Variants in AP2B1 observed in about 807,000 individuals in gnomAD.
The protein encoded by AP2B1 is adaptor related protein complex 2 subunit beta 1.
AP2B1 carries 23 observed loss-of-function variants against 102.0 expected under a neutral mutation model. The ratio of observed to expected loss-of-function variants is 0.23; its 90% CI spans 0.16 to 0.32. The LOEUF is 0.32. Ranked by LOEUF, AP2B1 falls within the 10% of genes least tolerant of loss-of-function variation. The pLI, the probability that AP2B1 is intolerant of heterozygous loss-of-function variation, is 1.00. For synonymous variants in AP2B1, 381 were observed against 421.2 expected, an observed-to-expected ratio of 0.90 and a Z score of 1.17; for missense variants, 541 against 1,157.4, an observed-to-expected ratio of 0.47 and a Z score of 7.73.
chr17:35,631,511 A>G (rs2074460040), intron 9 of AP2B1, among the ~76,000 whole-genome samples: 1 of 152,236 alleles, frequency 6.6e-6, no homozygotes, highest in African/African-American at 2.4e-5. Context: ...ATTTTTTTAT[A>G]AAAATGAAAT....
intron 21 of AP2B1, among the ~76,000 whole-genome samples, chr17:35,718,458 C>A (rs587748134): frequency 2.0e-5 from 3 of 152,140 alleles, no homozygotes; most frequent in African/African-American, 4.8e-5. Context: ...CTCCCCAACC[C>A]CCCACCAGTC....
At chr17:35,642,392 T>G (rs192037615) in intron 12 of AP2B1, among the ~76,000 whole-genome samples, 2 of 152,208 alleles carry the variant, frequency 1.3e-5, no homozygotes, top group Non-Finnish European at 2.9e-5. Context: ...TCACAGAAAT[T>G]AAGTGTTTAT....
intron 1 of AP2B1, among the ~76,000 whole-genome samples, chr17:35,592,643 A>G (rs760649251): frequency 2.0e-5 from 3 of 152,096 alleles, no homozygotes; most frequent in African/African-American, 7.2e-5. Context: ...CCCAGGTCCA[A>G]GCGATTCTCC....
chr17:35,601,418 C>T (rs1567780656), intron 3 of AP2B1, among the ~76,000 whole-genome samples: 1 of 152,220 alleles, frequency 6.6e-6, no homozygotes, highest in African/African-American at 2.4e-5. Context: ...CAGCCTCTGC[C>T]TCCCGGGTTC....
At chr17:35,671,949 A>G (rs2075598026) in intron 16 of AP2B1, 49 bp downstream of exon 16, 1 of 1,589,930 alleles carries the variant, frequency 6.3e-7, no homozygotes, top group Non-Finnish European at 8.6e-7. Flanking sequence ...ACAGGACCCA[A>G]ACTGTTTCAC....
intron 9 of AP2B1, among the ~76,000 whole-genome samples, chr17:35,634,633 ATTG>A (rs1471234819): frequency 6.6e-6 from 1 of 152,202 alleles, no homozygotes; most frequent in African/African-American, 2.4e-5. Context: ...GCTATGGAAA[ATTG>A]TTGTTTATCT....
At chr17:35,683,955 A>G (rs1297460038) in intron 18 of AP2B1, among the ~76,000 whole-genome samples, 3 of 152,234 alleles carry the variant, frequency 2.0e-5, no homozygotes, top group Admixed American at 6.5e-5. Context: ...GAGAAATTCA[A>G]GGCCCAATCA....
chr17:35,687,110 C>T (rs985297310), intron 18 of AP2B1, among the ~76,000 whole-genome samples: 4 of 151,980 alleles, frequency 2.6e-5, no homozygotes, highest in Non-Finnish European at 4.4e-5. Context: ...ATTGGGACTC[C>T]TGGATTTTTA....
chr17:35,598,535 G>A (rs2073368633), intron 3 of AP2B1, among the ~76,000 whole-genome samples, 200 bp downstream of exon 3: 1 of 152,202 alleles, frequency 6.6e-6, no homozygotes. Context: ...TGGGGTGTGT[G>A]TGTGTTTGTG....
At chr17:35,624,723 C>T (rs1299708557) in intron 6 of AP2B1, 136 bp downstream of exon 6, 6 of 719,588 alleles carry the variant, frequency 8.3e-6, no homozygotes, top group African/African-American at 5.4e-5. Flanking sequence ...GGTATTTTCT[C>T]TCTGGATTTA....
intron 21 of AP2B1, among the ~76,000 whole-genome samples, chr17:35,722,370 GT>G (rs202023875): frequency 0.01 from 1,528 of 151,980 alleles, 20 homozygotes; most frequent in African/African-American, 0.035. Context: ...AGTTGTTTTG[GT>G]TTTTTTTACA....
intron 18 of AP2B1, among the ~76,000 whole-genome samples, chr17:35,689,813 A>G (rs1042050740): frequency 1.3e-5 from 2 of 152,232 alleles, no homozygotes; most frequent in Non-Finnish European, 2.9e-5. Flanking sequence ...GTGCAGAAGT[A>G]AAACATTTAC....
intron 17 of AP2B1, among the ~76,000 whole-genome samples, chr17:35,677,739 A>G (rs906159125): frequency 1.3e-5 from 2 of 152,112 alleles, no homozygotes; most frequent in Admixed American, 6.6e-5. Flanking sequence ...ATCCATTAGC[A>G]TAGTATATCT....
chr17:35,624,385 C>T lies in AP2B1; in HGVS notation c.526-12C>T, dbSNP rs890122295. The T allele has an allele frequency of 3.7e-6, 6 of 1,613,608 alleles. No individual in the cohort carries two copies. The African/African-American group carries it at 8.0e-5, about 22-fold the overall frequency. Reference sequence around the variant, plus strand: ...TCTTGGTGAATCAAGGTCATACCCCCTTCTTTTCCAGGTGGTGGCTAATGC... The same window carrying T: ...TCTTGGTGAATCAAGGTCATACCCCTTTCTTTTCCAGGTGGTGGCTAATGC... On this transcript the variant is annotated splice_polypyrimidine_tract_variant and intron_variant, in intron 5 of 21. Transcript: ENST00000610402.
chr17:35,689,172 T>C (rs1448047915), intron 18 of AP2B1, among the ~76,000 whole-genome samples: 1 of 152,186 alleles, frequency 6.6e-6, no homozygotes, highest in African/African-American at 2.4e-5. Flanking sequence ...GTAAGTATTT[T>C]AGTATGTCTC....
intron 9 of AP2B1, among the ~76,000 whole-genome samples, chr17:35,634,134 A>G (rs1402832051): frequency 6.6e-6 from 1 of 152,120 alleles, no homozygotes; most frequent in Admixed American, 6.6e-5. Context: ...GCAACAGAGT[A>G]AGACTCTGTC....
At chr17:35,640,799 AT>A (rs1235644350) in intron 11 of AP2B1, among the ~76,000 whole-genome samples, 1 of 152,046 alleles carries the variant, frequency 6.6e-6, no homozygotes, top group African/African-American at 2.4e-5. Context: ...CTACTTTTTT[AT>A]TTTCTGTCAC....
intron 14 of AP2B1, among the ~76,000 whole-genome samples, chr17:35,664,256 GTTTA>G (rs1555572326): frequency 1.3e-5 from 2 of 152,030 alleles, no homozygotes; most frequent in Non-Finnish European, 2.9e-5. Context: ...GGAGATGTTT[GTTTA>G]TTTATTTTTT....
intron 18 of AP2B1, among the ~76,000 whole-genome samples, chr17:35,703,620 G>C (rs2076282868): frequency 6.6e-6 from 1 of 152,148 alleles, no homozygotes; most frequent in Admixed American, 6.5e-5. Flanking sequence ...GTAAGTGGGA[G>C]CTAAACGATG....
Sources: allele counts gnomAD v4.1 joint callset (sites outside exome capture counted in the v4.1 genomes callset), GRCh38; gene constraint gnomAD v4.1.1; transcripts MANE v1.5; gene names NCBI Gene and HGNC (gene_info 2026-07-23, HGNC 2026-07-21).